GALC: variants seen among roughly 807,000 people sequenced by gnomAD.
GALC encodes the protein galactosylceramidase.
GALC carries 77 observed loss-of-function variants against 91.8 expected under a neutral mutation model. That is an observed-to-expected ratio of 0.84 (90% CI 0.70 to 1.01). GALC has a LOEUF of 1.01. Ranked by LOEUF, GALC falls within the 50% of genes least tolerant of loss-of-function variation. The probability of loss-of-function intolerance (pLI) is 0.00; values close to 1 mark genes in which losing one functional copy is unlikely to be tolerated. For missense variants in GALC, 882 were observed against 855.9 expected (o/e 1.03, Z -0.38); for synonymous variants, 357 against 306.7 (o/e 1.16, Z -1.71).
In GALC at chr14:87,988,458, A is replaced by G; in HGVS notation, c.261T>C (p.Phe87=). Residue 87 remains phenylalanine (F), a synonymous_variant, in exon 2 of 17, where the codon TTT becomes TTC. Coordinates refer to ENST00000261304, the MANE Select transcript of GALC (RefSeq NM_000153.4). ...GAAATAATTATGTTTTCATTACCTT[A>G]AAGAGATAATCCAATATCTGAGAAC... ...PYRSQILDYL[F]KPNFGASLHI... The G allele has an allele frequency of 6.3e-7, 1 of 1,585,216 alleles. No homozygotes were observed. The highest frequency in any genetic ancestry group is 8.7e-7 in the Non-Finnish European group (1 of 1,153,706).
Position 87,969,943 on chromosome 14 carries a change from G to A in GALC, c.753-1453C>T, listed in dbSNP as rs1886216159. Among the ~76,000 whole-genome samples, 4 of 152,120 alleles carry A rather than the reference G, an allele frequency of 2.6e-5. 1 individual carries two copies. The highest frequency in any genetic ancestry group is 6.5e-5 in the Admixed American group (1 of 15,270). The stretch of plus-strand genomic sequence containing the variant: ...GATTTTACTGAGTCACTAAACTCAG[G>A]TGAAAGCAGGCATCTATTCAATATT... On this transcript the variant is annotated intron_variant, in intron 7 of 16. Transcript: ENST00000261304.
At position 87,986,622 on chromosome 14, in the gene GALC, A is replaced by C; in HGVS notation, c.329-20T>G. ...TGCCGTCTGAATAGAGGAGAGCAAA[A>C]ACGGAAGTAATGATCCATGAATGGT... On this transcript the variant is annotated intron_variant, in intron 3 of 16. Transcript: ENST00000261304. The C allele has an allele frequency of 6.8e-7, 1 of 1,479,856 alleles. No homozygotes were observed. Among genetic ancestry groups the C allele is most frequent in the Non-Finnish European group, 9.4e-7 (1 of 1,058,616 alleles). The allele number at this position is 1,479,856 out of a possible 1,614,324, so 91.7% of individuals were successfully genotyped here.
chr14:87,955,369 A>C lies in GALC; in HGVS notation c.1162-4621T>G, dbSNP rs1454291512. Among the ~76,000 whole-genome samples, 2 of 152,236 alleles carry C rather than the reference A, an allele frequency of 1.3e-5. No individual in the cohort carries two copies. The highest frequency in any genetic ancestry group is 3.9e-4 in the East Asian group (2 of 5,180). ...TCTAAGAAAATCCTGTGAGGTTTAA[A>C]AAGATTATTTTTGTTTTTTGGTTTC... On this transcript the variant is annotated intron_variant, in intron 10 of 16. Coordinates refer to ENST00000261304, the MANE Select transcript of GALC (RefSeq NM_000153.4).
intron 6 of GALC, chr14:87,981,237 A>G (rs1478947179): frequency 6.6e-6 from 1 of 152,256 alleles, no homozygotes; most frequent in Non-Finnish European, 1.5e-5. Context: ...GTTCTCACTC[A>G]TAAGTGGGAG....
At chr14:87,973,655 A>G (rs1398983911) in intron 7 of GALC, among the ~76,000 whole-genome samples, 2 of 152,224 alleles carry the variant, frequency 1.3e-5, no homozygotes, top group African/African-American at 4.8e-5. Flanking sequence ...GCTCATAGTA[A>G]ACCAACAGAC....
rs1257801348 is a variant in GALC at position 87,936,920 on chromosome 14, A to ATATATATATATATATATT, written c.1912-2043_1912-2042insAATATATATATATATATA. 3.5e-5 allele frequency among the ~76,000 whole-genome samples: 5 copies of ATATATATATATATATATT among 141,400 alleles called. No individual in the cohort carries two copies. The East Asian group carries it at 6.3e-4, about 18-fold the overall frequency. The allele number at this position is 141,400 out of a possible 152,430, so 92.8% of individuals were successfully genotyped here. ...ACTATATATATATATATATTTATTT[A>ATATATATATATATATATT]TTTTCTCATTGAATCTTCATAAGAA... On this transcript the variant is annotated intron_variant, in intron 16 of 16. Transcript: ENST00000261304.
intron 10 of GALC, among the ~76,000 whole-genome samples, chr14:87,960,318 G>A (rs1198164862): frequency 6.6e-6 from 1 of 152,216 alleles, no homozygotes; most frequent in African/African-American, 2.4e-5. Flanking sequence ...TATTGGACAG[G>A]AGGTGTAAGT....
Position 87,963,436 on chromosome 14 carries a change from T to A in GALC, c.1109A>T (p.Tyr370Phe), listed in dbSNP as rs148638986. The A allele has an allele frequency of 2.5e-6, 4 of 1,613,448 alleles. No individual in the cohort carries two copies. In the East Asian group the frequency reaches 8.9e-5, roughly 36 times the overall value. Residue 370 changes from tyrosine (Y) to phenylalanine (F), a missense_variant, in exon 10 of 17, where the codon TAC becomes TTC. Tyr to Phe is a conservative substitution (Grantham distance 22). Transcript: ENST00000261304. ...TVGHLEKGGS[Y>F]VALTDGLGNL... ...CCCTAAGCCATCAGTCAGAGCTACGTAGCTTCCTCCTTTCTCTAAATGGCC... is the reference window on the plus strand; with the variant it reads ...CCCTAAGCCATCAGTCAGAGCTACGAAGCTTCCTCCTTTCTCTAAATGGCC...
In GALC at chr14:87,965,719, G is replaced by A; in HGVS notation, c.909-90C>T. On this transcript the variant is annotated intron_variant, in intron 8 of 16. Transcript: ENST00000261304. ...CCTGGAGTAAAAAGACTTTATCATAGTAATACACATCTACATAAATGACAA... is the reference window on the plus strand; with the variant it reads ...CCTGGAGTAAAAAGACTTTATCATAATAATACACATCTACATAAATGACAA... 3 of 1,209,078 alleles carry A rather than the reference G, an allele frequency of 2.5e-6. No individual in the cohort carries two copies. The South Asian group carries it at 3.8e-5, about 15-fold the overall frequency. The allele number at this position is 1,209,078 out of a possible 1,614,324, so 74.9% of individuals were successfully genotyped here. A position where few individuals can be genotyped will look rare whatever the true frequency, so the allele number is the denominator to read the frequency against.
At chr14:87,990,078 A>C (rs1887133866) in intron 1 of GALC, among the ~76,000 whole-genome samples, 1 of 152,088 alleles carries the variant, frequency 6.6e-6, no homozygotes, top group East Asian at 1.9e-4. Context: ...CTGCTCACTG[A>C]TTTGATGTAA....
intron 10 of GALC, among the ~76,000 whole-genome samples, chr14:87,951,528 C>T (rs981077247): frequency 1.3e-5 from 2 of 151,898 alleles, no homozygotes; most frequent in African/African-American, 4.8e-5. Context: ...CTAGCAACAG[C>T]AGGATGCACA....
chr14:87,977,104 A>C (rs1214231745), intron 6 of GALC, among the ~76,000 whole-genome samples: 3 of 151,396 alleles, frequency 2.0e-5, no homozygotes, highest in African/African-American at 7.3e-5. Context: ...TTTGCTATGC[A>C]TTCTTCCAGG....
At chr14:87,973,946 T>C (rs931800866) in intron 7 of GALC, among the ~76,000 whole-genome samples, 1 of 152,138 alleles carries the variant, frequency 6.6e-6, no homozygotes, top group African/African-American at 2.4e-5. Flanking sequence ...ATAAATGTAA[T>C]TGACAGAACA....
At chr14:87,954,684 C>T in intron 10 of GALC, 1 of 1,559,470 alleles carries the variant, frequency 6.4e-7, no homozygotes. Flanking sequence ...GCCCAGATTT[C>T]AGAGCTGTCA....
intron 7 of GALC, among the ~76,000 whole-genome samples, chr14:87,968,920 C>G (rs982784117): frequency 6.6e-6 from 1 of 152,022 alleles, no homozygotes; most frequent in Non-Finnish European, 1.5e-5. Context: ...CAATAGTAAA[C>G]GAGTGAGGAG....
At chr14:87,992,401 C>CA (rs1567018489) in intron 1 of GALC, 1 of 1,535,556 alleles carries the variant, frequency 6.5e-7, no homozygotes, top group Admixed American at 2.0e-5. Flanking sequence ...CTTGAGGCAC[C>CA]AGTCCTGCCT....
At chr14:87,954,845 G>T (rs1885456026) in intron 10 of GALC, 2 of 1,606,276 alleles carry the variant, frequency 1.2e-6, no homozygotes, top group South Asian at 2.2e-5. Flanking sequence ...TACAAACAAT[G>T]TTTTAGCTGC....
intron 4 of GALC, among the ~76,000 whole-genome samples, chr14:87,986,047 G>T (rs1886956133): frequency 1.3e-5 from 2 of 152,150 alleles, no homozygotes; most frequent in Non-Finnish European, 2.9e-5. Flanking sequence ...ATACAATTTT[G>T]TAACTAGTTA....
intron 6 of GALC, among the ~76,000 whole-genome samples, chr14:87,979,680 A>G (rs561772207): frequency 1.3e-5 from 2 of 152,348 alleles, no homozygotes; most frequent in Non-Finnish European, 2.9e-5. Flanking sequence ...TGAAATGACC[A>G]CAAGAGAGAC....
Sources: allele counts gnomAD v4.1 joint callset (sites outside exome capture counted in the v4.1 genomes callset), GRCh38; gene constraint gnomAD v4.1.1; transcripts MANE v1.5; gene names NCBI Gene and HGNC (gene_info 2026-07-23, HGNC 2026-07-21).